The following LRRC37A variants were observed in gnomAD, a reference collection of about 807,000 sequenced individuals.
LRRC37A encodes leucine rich repeat containing 37A.
Under a neutral mutation model 35.4 loss-of-function variants are expected in LRRC37A, and 3 were observed. That is an observed-to-expected ratio of 0.08 (90% CI 0.04 to 0.22). LRRC37A has a LOEUF of 0.22. Among genes scored for constraint, LRRC37A ranks in the 10% least tolerant of loss-of-function variants. The pLI is 1.00. For missense variants in LRRC37A, 67 were observed against 565.3 expected (o/e 0.12, Z 8.94); for synonymous variants, 23 against 215.0 (o/e 0.11, Z 7.81).
chr17:46,254,145 G>T, the LRRC37A span, among the ~76,000 whole-genome samples: 1 of 152,264 alleles, frequency 6.6e-6, no homozygotes, highest in African/African-American at 2.4e-5. Flanking sequence ...CCTTGCCTGC[G>T]GGACTTCTGC....
the LRRC37A span, among the ~76,000 whole-genome samples, chr17:46,284,932 CG>C: frequency 6.6e-6 from 1 of 152,208 alleles, no homozygotes; most frequent in Non-Finnish European, 1.5e-5. Context: ...TGGAGTGGCA[CG>C]ATCATAGCTC....
chr17:46,273,262 T>A, the LRRC37A span, among the ~76,000 whole-genome samples: 20 of 152,382 alleles, frequency 1.3e-4, no homozygotes, highest in East Asian at 1.5e-3. Flanking sequence ...TAACTTTTTT[T>A]AAAAAGTAAA....
chr17:46,327,849 G>A (rs932712637), intron 7 of LRRC37A, among the ~76,000 whole-genome samples: 2 of 23,126 alleles, frequency 8.6e-5, no homozygotes, highest in African/African-American at 1.5e-4. Context: ...ATCACTCTTC[G>A]TGGATTCTTC....
chr17:46,270,182 C>T, the LRRC37A span, among the ~76,000 whole-genome samples: 4 of 152,208 alleles, frequency 2.6e-5, no homozygotes, highest in African/African-American at 9.7e-5. Flanking sequence ...TATTTGGCCT[C>T]ACGGTGATGC....
At chr17:46,254,483 A>T in the LRRC37A span, among the ~76,000 whole-genome samples, 1 of 151,992 alleles carries the variant, frequency 6.6e-6, no homozygotes, top group East Asian at 1.9e-4. Flanking sequence ...GGCTCAAGAG[A>T]TCCTCCTACC....
At chr17:46,268,102 A>G in the LRRC37A span, among the ~76,000 whole-genome samples, 3 of 151,924 alleles carry the variant, frequency 2.0e-5, no homozygotes, top group African/African-American at 7.3e-5. Flanking sequence ...GCTCTGGGAA[A>G]TCCTGATACA....
the LRRC37A span, chr17:46,260,239 G>T: frequency 6.5e-7 from 1 of 1,529,890 alleles, no homozygotes; most frequent in Non-Finnish European, 8.8e-7. Context: ...CACGAGCAGC[G>T]GGCAGGACGG....
chr17:46,315,879 C>A (rs1169637383), intron 5 of LRRC37A, among the ~76,000 whole-genome samples: 1 of 58,766 alleles, frequency 1.7e-5, no homozygotes, highest in Admixed American at 1.9e-4. Context: ...TTATGTTCAT[C>A]AACTAGATTT....
the LRRC37A span, among the ~76,000 whole-genome samples, chr17:46,266,842 G>C: frequency 2.0e-5 from 3 of 151,272 alleles, no homozygotes; most frequent in African/African-American, 7.3e-5. Context: ...CGCAAGCCGA[G>C]AACCGCGCGT....
At chr17:46,267,667 G>A in the LRRC37A span, 39 of 1,297,158 alleles carry the variant, frequency 3.0e-5, 1 homozygote, top group African/African-American at 5.9e-4. Flanking sequence ...TAGACGACAG[G>A]TATTATTTCC....
chr17:46,268,398 A>G, the LRRC37A span: 3 of 896,666 alleles, frequency 3.3e-6, no homozygotes, highest in Non-Finnish European at 3.0e-6. Flanking sequence ...CAACTTGTGC[A>G]GCAAGATAGT....
the LRRC37A span, among the ~76,000 whole-genome samples, chr17:46,253,439 T>C: frequency 6.6e-6 from 1 of 152,118 alleles, no homozygotes; most frequent in Non-Finnish European, 1.5e-5. Context: ...ATCACGCCAC[T>C]GCACTCCAGC....
the LRRC37A span, among the ~76,000 whole-genome samples, chr17:46,255,895 T>C: frequency 6.7e-6 from 1 of 150,124 alleles, no homozygotes; most frequent in African/African-American, 2.5e-5. Context: ...CAGGATGGTC[T>C]CGATCTCCTG....
At chr17:46,269,617 A>G in the LRRC37A span, among the ~76,000 whole-genome samples, 15 of 152,254 alleles carry the variant, frequency 9.9e-5, no homozygotes, top group African/African-American at 2.4e-4. Flanking sequence ...CTTCAGGCAA[A>G]AGTGTTCCTG....
the LRRC37A span, among the ~76,000 whole-genome samples, chr17:46,264,547 G>A: frequency 7.2e-5 from 11 of 152,348 alleles, no homozygotes; most frequent in African/African-American, 2.6e-4. Context: ...TTTATAGAAA[G>A]AGAATGCTAC....
the LRRC37A span, among the ~76,000 whole-genome samples, chr17:46,257,467 A>C: frequency 6.8e-6 from 1 of 146,948 alleles, no homozygotes; most frequent in Non-Finnish European, 1.5e-5. Context: ...AAAAAAAAAA[A>C]AAAAAAGTAA....
chr17:46,281,520 C>T, the LRRC37A span, among the ~76,000 whole-genome samples: 10,014 of 136,900 alleles, frequency 0.073, no homozygotes, highest in Non-Finnish European at 0.12. Flanking sequence ...GCCTTGAACT[C>T]CTGGGCACAA....
chr17:46,255,820 C>T, the LRRC37A span, among the ~76,000 whole-genome samples: 200 of 152,032 alleles, frequency 1.3e-3, 1 homozygote, highest in African/African-American at 4.6e-3. Flanking sequence ...GGACTACAGG[C>T]GCCCGCCACC....
chr17:46,283,349 CA>C, the LRRC37A span, among the ~76,000 whole-genome samples: 2 of 152,214 alleles, frequency 1.3e-5, no homozygotes, highest in Non-Finnish European at 2.9e-5. Context: ...TCTGGTGCAT[CA>C]TTAGGGTCTA....
Sources: allele counts gnomAD v4.1 joint callset (sites outside exome capture counted in the v4.1 genomes callset), GRCh38; gene constraint gnomAD v4.1.1; transcripts MANE v1.5; gene names NCBI Gene and HGNC (gene_info 2026-07-23, HGNC 2026-07-21).